The following PTPRD variants were observed in gnomAD, a reference collection of about 807,000 sequenced individuals.
The protein encoded by PTPRD is protein tyrosine phosphatase receptor type D.
Under a neutral mutation model 214.5 loss-of-function variants are expected in PTPRD, and 34 were observed. The observed-to-expected ratio is 0.16, with a 90% CI of 0.12 to 0.21. The LOEUF (loss-of-function observed/expected upper bound fraction) is 0.21. PTPRD is among the 10% of genes least tolerant of loss of function. The pLI is 1.00. For synonymous variants in PTPRD, 1,128 were observed against 845.7 expected (o/e 1.33, Z -5.79); for missense variants, 2,545 against 2,398.7 (o/e 1.06, Z -1.27).
chr9:9,181,032 A>G (rs1475573424), intron 10 of PTPRD, among the ~76,000 whole-genome samples: 3 of 152,076 alleles, frequency 2.0e-5, no homozygotes, highest in East Asian at 3.9e-4. Flanking sequence ...TAAAAATACC[A>G]AAGAATTTGA....
At chr9:10,320,702 G>C (rs2096537940) in intron 3 of PTPRD, among the ~76,000 whole-genome samples, 2 of 151,740 alleles carry the variant, frequency 1.3e-5, no homozygotes, top group South Asian at 4.2e-4. Flanking sequence ...ATTGATTTGA[G>C]GCTCCTTCCA....
At chr9:9,405,644 T>G (rs116836864) in intron 8 of PTPRD, among the ~76,000 whole-genome samples, 33 of 152,190 alleles carry the variant, frequency 2.2e-4, no homozygotes, top group African/African-American at 7.9e-4. Flanking sequence ...GTTAGATTAT[T>G]CTTTTTTAAA....
intron 3 of PTPRD, among the ~76,000 whole-genome samples, chr9:10,133,265 A>G (rs2098915260): frequency 1.3e-5 from 2 of 152,152 alleles, no homozygotes; most frequent in Admixed American, 6.6e-5. Flanking sequence ...CAGATACTGA[A>G]GAGACTAAGC....
intron 3 of PTPRD, among the ~76,000 whole-genome samples, chr9:10,111,362 C>T (rs1195994788): frequency 6.8e-6 from 1 of 146,316 alleles, no homozygotes; most frequent in East Asian, 2.0e-4. Context: ...CCTCAGCCTC[C>T]CAAGTAGCTG....
intron 12 of PTPRD, among the ~76,000 whole-genome samples, chr9:8,653,638 C>G (rs1412372509): frequency 6.6e-6 from 1 of 152,070 alleles, no homozygotes; most frequent in East Asian, 1.9e-4. Flanking sequence ...AACTATACCC[C>G]TCTGTCATCT....
chr9:9,147,808 C>A (rs1472829811), intron 10 of PTPRD, among the ~76,000 whole-genome samples: 1 of 152,114 alleles, frequency 6.6e-6, no homozygotes, highest in Non-Finnish European at 1.5e-5. Context: ...GTCTTTTTCC[C>A]AAATCTGGAA....
At chr9:9,177,860 T>C (rs1001522423) in intron 10 of PTPRD, among the ~76,000 whole-genome samples, 2 of 152,138 alleles carry the variant, frequency 1.3e-5, no homozygotes, top group South Asian at 4.1e-4. Flanking sequence ...GCTAAAAGTA[T>C]AGTGGCCAAA....
chr9:9,547,463 G>T (rs1217192700), intron 8 of PTPRD, among the ~76,000 whole-genome samples: 1 of 152,038 alleles, frequency 6.6e-6, no homozygotes, highest in African/African-American at 2.4e-5. Flanking sequence ...AAGCTGCCTA[G>T]CCTGTTGAAA....
chr9:8,626,388 C>T lies in PTPRD; in HGVS notation c.352+6929G>A, dbSNP rs141061264. On this transcript the variant is annotated intron_variant, in intron 14 of 45. Coordinates refer to ENST00000381196, the MANE Select transcript of PTPRD (RefSeq NM_002839.4). ...GTTTATCTCCTTAGCCAATGAGTCACGTCCCAACCTCATTTTCTTTTACTA... is the reference window on the plus strand; with the variant it reads ...GTTTATCTCCTTAGCCAATGAGTCATGTCCCAACCTCATTTTCTTTTACTA... 2.5e-4 allele frequency among the ~76,000 whole-genome samples: 38 copies of T among 151,958 alleles called. No homozygotes were observed. The East Asian group carries it at 6.6e-3, about 26-fold the overall frequency.
rs747803106 is a variant in PTPRD, at chr9:8,486,069, T to G, written c.2748A>C (p.Glu916Asp). The G allele has an allele frequency of 1.2e-6, 2 of 1,614,188 alleles. No homozygotes were observed. The highest frequency in any genetic ancestry group is 8.5e-7 in the Non-Finnish European group (1 of 1,180,014). Residue 916 changes from glutamate to aspartate, a missense_variant, in exon 28 of 46, where the codon GAA becomes GAC. By Grantham distance (45) the Glu-to-Asp change is conservative. Coordinates refer to ENST00000381196, the MANE Select transcript of PTPRD (RefSeq NM_002839.4). ...EMVKEISIPE[E>D]VPTGFPQNLH... ...GGTTTTGAGGGAATCCAGTTGGTAC[T>G]TCTTCTGGAATGGAAATCTCCTTCA...
intron 12 of PTPRD, among the ~76,000 whole-genome samples, chr9:8,708,623 G>C (rs2098259415): frequency 7.1e-6 from 1 of 140,196 alleles, no homozygotes; most frequent in Admixed American, 8.0e-5. Flanking sequence ...AAGTTGCAGT[G>C]AGCCCAGATC....
At chr9:8,776,170 C>T (rs7026316) in intron 11 of PTPRD, among the ~76,000 whole-genome samples, 108,050 of 152,064 alleles carry the variant, frequency 0.71, 38,417 homozygotes, top group Middle Eastern at 0.82. Context: ...GTAGAAGGAC[C>T]GCACCCTGAT....
At chr9:10,064,476 C>A (rs2097841275) in intron 3 of PTPRD, among the ~76,000 whole-genome samples, 1 of 151,928 alleles carries the variant, frequency 6.6e-6, no homozygotes, top group Non-Finnish European at 1.5e-5. Context: ...CTGATATCTA[C>A]TTTTCTCTTC....
At chr9:9,671,008 C>T (rs985439283) in intron 7 of PTPRD, among the ~76,000 whole-genome samples, 2 of 152,044 alleles carry the variant, frequency 1.3e-5, no homozygotes, top group Non-Finnish European at 2.9e-5. Flanking sequence ...AAGAAGAGGG[C>T]CACCATACTC....
chr9:10,281,799 A>G (rs1358243988), intron 3 of PTPRD, among the ~76,000 whole-genome samples: 1 of 152,186 alleles, frequency 6.6e-6, no homozygotes, highest in African/African-American at 2.4e-5. Flanking sequence ...CAGGACTACA[A>G]TTTTAAAAAT....
chr9:8,838,350 A>C (rs2097484180), intron 11 of PTPRD, among the ~76,000 whole-genome samples: 1 of 152,148 alleles, frequency 6.6e-6, no homozygotes, highest in East Asian at 1.9e-4. Context: ...ATTATTTAGA[A>C]CCTTGCCTTA....
At chr9:9,462,306 G>T (rs1237173520) in intron 8 of PTPRD, among the ~76,000 whole-genome samples, 8 of 152,100 alleles carry the variant, frequency 5.3e-5, no homozygotes, top group Non-Finnish European at 1.0e-4. Flanking sequence ...GAACTATGCA[G>T]CCAAGAATGG....
intron 8 of PTPRD, among the ~76,000 whole-genome samples, chr9:9,431,226 G>A (rs199959656): frequency 6.7e-4 from 102 of 151,720 alleles, no homozygotes; most frequent in African/African-American, 1.7e-3. Context: ...AAACAACCCC[G>A]TCAAAAAGTA....
At chr9:8,432,547 C>G (rs1201669306) in intron 35 of PTPRD, among the ~76,000 whole-genome samples, 1 of 152,170 alleles carries the variant, frequency 6.6e-6, no homozygotes, top group Non-Finnish European at 1.5e-5. Flanking sequence ...CTTACAAGTT[C>G]TGAGTAAACA....
Sources: gnomAD v4.1 joint callset for allele counts (sites outside exome capture counted in the v4.1 genomes callset) on GRCh38, gnomAD v4.1.1 for gene constraint, MANE v1.5 for transcripts, NCBI Gene and HGNC (gene_info 2026-07-23, HGNC 2026-07-21) for gene names.